The following LRP1B variants were observed in gnomAD, a reference collection of about 807,000 sequenced individuals.
The protein encoded by LRP1B is LDL receptor related protein 1B.
Under a neutral mutation model 556.6 loss-of-function variants are expected in LRP1B, and 217 were observed. That is an observed-to-expected ratio of 0.39 (90% CI 0.35 to 0.44). LRP1B has a LOEUF of 0.44. LRP1B is among the 20% of genes least tolerant of loss of function. The pLI, the probability that LRP1B is intolerant of heterozygous loss-of-function variation, is 1.00. For synonymous variants in LRP1B, 2,047 were observed against 1,865.8 expected, an observed-to-expected ratio of 1.10 and a Z score of -2.50; for missense variants, 5,053 against 5,620.8, an observed-to-expected ratio of 0.90 and a Z score of 3.23.
chr2:141,474,253 G>T (rs1289035571), intron 3 of LRP1B, among the ~76,000 whole-genome samples: 1 of 151,962 alleles, frequency 6.6e-6, no homozygotes, highest in Non-Finnish European at 1.5e-5. Context: ...AAACCTCTAG[G>T]TTAATTTCTT....
intron 43 of LRP1B, among the ~76,000 whole-genome samples, chr2:140,576,699 T>C (rs1334668877): frequency 6.6e-6 from 1 of 152,220 alleles, no homozygotes; most frequent in East Asian, 1.9e-4. Flanking sequence ...CAATTGTTTC[T>C]GGCTTTTTTC....
chr2:141,003,459 A>G (rs566929064), intron 15 of LRP1B, among the ~76,000 whole-genome samples: 125 of 152,182 alleles, frequency 8.2e-4, no homozygotes, highest in Non-Finnish European at 1.6e-3. Flanking sequence ...CAATTCCCAC[A>G]TGTCATAGGA....
Position 140,327,337 on chromosome 2 carries a change from C to T in LRP1B, c.12224-1459G>A, listed in dbSNP as rs559312562. On this transcript the variant is annotated intron_variant, in intron 79 of 90. Coordinates refer to ENST00000389484, the MANE Select transcript of LRP1B (RefSeq NM_018557.3). Reference sequence around the variant, plus strand: ...AATATTTAGCTCACATGTAATCGAACTAAATATTTTGTTCCTCAAGTAATG... The same window carrying T: ...AATATTTAGCTCACATGTAATCGAATTAAATATTTTGTTCCTCAAGTAATG... 2.6e-5 allele frequency among the ~76,000 whole-genome samples: 4 copies of T among 152,184 alleles called. No individual in the cohort carries two copies. The East Asian group carries it at 5.8e-4, about 22-fold the overall frequency.
intron 3 of LRP1B, among the ~76,000 whole-genome samples, chr2:141,369,045 C>A (rs1052481426): frequency 2.0e-5 from 3 of 151,998 alleles, no homozygotes; most frequent in African/African-American, 7.2e-5. Context: ...CATTATGTTG[C>A]CAATTTGCCC....
chr2:140,606,414 G>A (rs58747969), intron 41 of LRP1B, among the ~76,000 whole-genome samples: 6,475 of 151,964 alleles, frequency 0.043, 200 homozygotes, highest in Middle Eastern at 0.11. Flanking sequence ...GGAATGGAAG[G>A]CCTAATATTA....
intron 7 of LRP1B, among the ~76,000 whole-genome samples, chr2:141,120,112 G>A (rs575854092): frequency 1.3e-5 from 2 of 152,038 alleles, no homozygotes; most frequent in East Asian, 3.9e-4. Flanking sequence ...CTAGGAGGAA[G>A]AGCAGACATT....
intron 41 of LRP1B, among the ~76,000 whole-genome samples, chr2:140,655,178 A>G (rs1473785043): frequency 6.6e-6 from 1 of 152,154 alleles, no homozygotes; most frequent in African/African-American, 2.4e-5. Context: ...ATCTTATTAT[A>G]TAAGGAAATA....
intron 3 of LRP1B, among the ~76,000 whole-genome samples, chr2:141,459,869 G>T (rs1203911710): frequency 6.6e-6 from 1 of 152,108 alleles, no homozygotes; most frequent in Non-Finnish European, 1.5e-5. Flanking sequence ...AATCCAGAAG[G>T]CATGGATATG....
chr2:141,202,706 T>C (rs1273235236), intron 6 of LRP1B, among the ~76,000 whole-genome samples: 1 of 151,504 alleles, frequency 6.6e-6, no homozygotes, highest in Non-Finnish European at 1.5e-5. Context: ...GGCCACACGT[T>C]ACATCTTTTT....
chr2:141,855,512 T>A (rs971379059), intron 1 of LRP1B, among the ~76,000 whole-genome samples: 1 of 152,132 alleles, frequency 6.6e-6, no homozygotes, highest in Non-Finnish European at 1.5e-5. Flanking sequence ...AGCTCATACA[T>A]GCTTTAGGTG....
intron 1 of LRP1B, among the ~76,000 whole-genome samples, chr2:141,899,211 A>G (rs976459074): frequency 1.3e-5 from 2 of 152,154 alleles, no homozygotes; most frequent in Admixed American, 1.3e-4. Flanking sequence ...TCCAGCTTTA[A>G]TTGAGACTGC....
chr2:141,603,859 T>A (rs1345212085), intron 2 of LRP1B, among the ~76,000 whole-genome samples: 2 of 152,152 alleles, frequency 1.3e-5, no homozygotes, highest in Non-Finnish European at 2.9e-5. Context: ...ACTACTATAA[T>A]TAAAAATATT....
chr2:141,016,502 G>A (rs1430031214), intron 12 of LRP1B, among the ~76,000 whole-genome samples: 4 of 151,994 alleles, frequency 2.6e-5, no homozygotes, highest in African/African-American at 9.7e-5. Context: ...TTTTATTGCT[G>A]CTTATTATTA....
intron 3 of LRP1B, among the ~76,000 whole-genome samples, chr2:141,267,016 T>A (rs1188565807): frequency 6.6e-6 from 1 of 152,198 alleles, no homozygotes; most frequent in Non-Finnish European, 1.5e-5. Context: ...TTCAGACTAA[T>A]TATATGAGGA....
chr2:140,400,714 T>C (rs1048764837), intron 66 of LRP1B, among the ~76,000 whole-genome samples: 20 of 152,186 alleles, frequency 1.3e-4, no homozygotes, highest in African/African-American at 4.8e-4. Context: ...AGGAACTTAA[T>C]AGGAAAACCA....
chr2:141,310,358 T>A (rs562003614), intron 3 of LRP1B, among the ~76,000 whole-genome samples: 9 of 152,288 alleles, frequency 5.9e-5, no homozygotes, highest in African/African-American at 1.9e-4. Flanking sequence ...TGGGCTTCAT[T>A]TTGTCCCCTT....
At chr2:140,485,581 C>A (rs953541201) in intron 58 of LRP1B, 57 bp from the exon 59 acceptor site, 2 of 1,252,066 alleles carry the variant, frequency 1.6e-6, no homozygotes, top group Middle Eastern at 1.9e-4. Context: ...AAGAAGTGAG[C>A]AATTGCTTCT....
chr2:140,766,998 C>A (rs72927817), intron 35 of LRP1B, among the ~76,000 whole-genome samples: 3,320 of 151,174 alleles, frequency 0.022, 72 homozygotes, highest in Non-Finnish European at 0.03. Flanking sequence ...CTAAACATGC[C>A]CACACCCCAA....
At chr2:141,881,872 T>G (rs1425675196) in intron 1 of LRP1B, among the ~76,000 whole-genome samples, 2 of 152,116 alleles carry the variant, frequency 1.3e-5, no homozygotes, top group Non-Finnish European at 2.9e-5. Context: ...GTTAATGTAA[T>G]AAAGAATATA....
Sources: allele counts gnomAD v4.1 joint callset (sites outside exome capture counted in the v4.1 genomes callset), GRCh38; gene constraint gnomAD v4.1.1; transcripts MANE v1.5; gene names NCBI Gene and HGNC (gene_info 2026-07-23, HGNC 2026-07-21).